The following RNF43 variants were observed in gnomAD, a reference collection of about 807,000 sequenced individuals.
RNF43 encodes the protein ring finger protein 43, also known as E3 ubiquitin-protein ligase RNF43.
In RNF43, 37 loss-of-function variants were observed where a neutral mutation model predicts 78.4. The ratio of observed to expected loss-of-function variants is 0.47; its 90% CI spans 0.36 to 0.62. The LOEUF is 0.62. Ranked by LOEUF, RNF43 falls within the 20% of genes least tolerant of loss-of-function variation. The pLI, the probability that RNF43 is intolerant of heterozygous loss-of-function variation, is 0.00. For synonymous variants in RNF43, 347 were observed against 395.0 expected (o/e 0.88, Z 1.44); for missense variants, 774 against 1,007.9 (o/e 0.77, Z 3.14).
At chr17:58,363,859 G>C (rs1567877196) in intron 3 of RNF43, among the ~76,000 whole-genome samples, 1 of 152,180 alleles carries the variant, frequency 6.6e-6, no homozygotes, top group Non-Finnish European at 1.5e-5. Context: ...CCTTAAGGGG[G>C]GTTTACAGGG....
chr17:58,400,148 A>G (rs1261949118), intron 2 of RNF43, among the ~76,000 whole-genome samples: 6 of 152,310 alleles, frequency 3.9e-5, no homozygotes, highest in African/African-American at 2.4e-5. Flanking sequence ...TCCAGGGCAG[A>G]TAAGTGATTC....
Position 58,358,440 on chromosome 17 carries a change from A to T in RNF43, c.1336T>A (p.Ser446Thr), listed in dbSNP as rs1167746614. The T allele has an allele frequency of 6.2e-7, 1 of 1,613,990 alleles. No individual in the cohort carries two copies. The highest frequency in any genetic ancestry group is 1.1e-5 in the South Asian group (1 of 91,072). Residue 446 changes from serine (S) to threonine (T), a missense_variant, in exon 9 of 10, where the codon TCT becomes ACT. Physicochemically the swap from Ser to Thr is moderately conservative, Grantham distance 58. Coordinates refer to ENST00000407977, the MANE Select transcript of RNF43 (RefSeq NM_017763.6). This position sits in a 1 kb window ranked among gnomAD's most constrained non-coding sequence, Gnocchi z 6.2. ...RRARPPDSSG[S>T]GESYCTERSG... ...CGTTCTGTGCAATAGCTTTCTCCAG[A>T]TCCACTGCTGTCAGGGGGCCTGGCC...
At chr17:58,416,302 TTG>T (rs1004107432) in intron 1 of RNF43, 4 of 152,242 alleles carry the variant, frequency 2.6e-5, no homozygotes, top group Non-Finnish European at 5.9e-5. Flanking sequence ...CCATAATTTT[TTG>T]TGTTTTACCA....
At chr17:58,407,001 A>C (rs1287505370) in intron 2 of RNF43, among the ~76,000 whole-genome samples, 1 of 151,798 alleles carries the variant, frequency 6.6e-6, no homozygotes, top group Non-Finnish European at 1.5e-5. Context: ...TCTAGATTTA[A>C]AGCAACAACA....
intron 2 of RNF43, among the ~76,000 whole-genome samples, chr17:58,377,167 C>T (rs1449633869): frequency 1.3e-5 from 2 of 152,052 alleles, no homozygotes; most frequent in South Asian, 2.1e-4. Flanking sequence ...TCATATTGCT[C>T]GTCTTTGGAA....
intron 2 of RNF43, among the ~76,000 whole-genome samples, chr17:58,378,237 T>A (rs1973245997): frequency 6.6e-6 from 1 of 151,906 alleles, no homozygotes; most frequent in South Asian, 2.1e-4. Flanking sequence ...TCGAGAGGAG[T>A]TTCTCTTTAT....
intron 2 of RNF43, among the ~76,000 whole-genome samples, chr17:58,380,522 A>G (rs1298638785): frequency 6.6e-6 from 1 of 152,210 alleles, no homozygotes; most frequent in Non-Finnish European, 1.5e-5. Context: ...CCAAGCTCAC[A>G]CCAGAGATGG....
rs571903323 is a variant in RNF43 at position 58,358,016 on chromosome 17, G to C, written c.1760C>G (p.Pro587Arg). The part of the protein sequence containing the change: ...QSRPPIPRTQ[P>R]QPEPPSPDQQ... ...ATCAGGAGAAGGTGGCTCTGGCTGG[G>C]GCTGTGTCCGAGGAATAGGAGGCCT... Residue 587 changes from proline (P) to arginine (R), a missense_variant, in exon 9 of 10, where the codon CCC (proline) becomes CGC (arginine). Coordinates refer to ENST00000407977, the MANE Select transcript of RNF43 (RefSeq NM_017763.6). The surrounding 1 kb of genome is among the most constrained non-coding windows in gnomAD (Gnocchi z 6.2). 6.3e-7 allele frequency: 1 copy of C among 1,595,866 alleles called. No homozygotes were observed. The highest frequency in any genetic ancestry group is 8.5e-7 in the Non-Finnish European group (1 of 1,171,654).
At position 58,357,553 on chromosome 17, in the gene RNF43, C is replaced by T. The variant is rs891451977; in HGVS notation, c.2223G>A (p.Gly741=). Residue 741 remains glycine, a synonymous_variant, in exon 9 of 10, where the codon GGG becomes GGA. Coordinates refer to ENST00000407977, the MANE Select transcript of RNF43 (RefSeq NM_017763.6). This position sits in a 1 kb window ranked among gnomAD's most constrained non-coding sequence, Gnocchi z 4.5. ...PRQPLEPHPP[G]EGPSEWSSDT... ...CAGAACTCCATTCAGAAGGCCCCTC[C>T]CCAGGTGGATGTGGTTCCAGGGGCT... is the stretch of plus-strand genomic sequence containing the variant. 6.2e-7 allele frequency: 1 copy of T among 1,614,104 alleles called. No individual in the cohort carries two copies. Among genetic ancestry groups the T allele is most frequent in the Admixed American group, 1.7e-5 (1 of 60,014 alleles).
At chr17:58,396,211 T>A (rs929736499) in intron 2 of RNF43, among the ~76,000 whole-genome samples, 30 of 152,120 alleles carry the variant, frequency 2.0e-4, no homozygotes, top group African/African-American at 7.0e-4. Flanking sequence ...TGATAACAAC[T>A]GTTGATAGAA....
At chr17:58,367,522 A>G (rs2632515) in intron 3 of RNF43, among the ~76,000 whole-genome samples, 21,048 of 152,204 alleles carry the variant, frequency 0.14, 1,745 homozygotes, top group Middle Eastern at 0.2. Context: ...ACTACCAGGT[A>G]GTGGCCTCCA....
rs755309849 is a variant in RNF43 at position 58,353,707 on chromosome 17, A to G, written c.*1236T>C. 4.7e-6 allele frequency: 1 copy of G among 210,586 alleles called. No homozygotes were observed. The highest frequency in any genetic ancestry group is 9.7e-6 in the Non-Finnish European group (1 of 103,398). The allele number at this position is 210,586 out of a possible 1,614,324, so 13.0% of individuals were successfully genotyped here. On this transcript the variant is annotated 3_prime_UTR_variant, in exon 10 of 10. Transcript: ENST00000407977. ...GATAAATATATTAGCAAATAAATAT[A>G]TTTCTTAACATAGTGCCTGATTCAA...
At chr17:58,397,044 TA>T (rs35034609) in intron 2 of RNF43, among the ~76,000 whole-genome samples, 59,237 of 127,806 alleles carry the variant, frequency 0.46, 11,744 homozygotes, top group East Asian at 0.55. Context: ...AGCTTAGAAA[TA>T]AAAAAAAAAA....
At position 58,358,826 on chromosome 17, in the gene RNF43, G is replaced by A. The variant is rs2143428940; in HGVS notation, c.953-3C>T. The A allele has an allele frequency of 6.7e-7, 1 of 1,486,698 alleles. No homozygotes were observed. The highest frequency in any genetic ancestry group is 8.9e-7 in the Non-Finnish European group (1 of 1,122,198). 92.1% of individuals were successfully genotyped at this position (1,486,698 alleles called of 1,614,324 possible). On this transcript the variant is annotated splice_region_variant and splice_polypyrimidine_tract_variant and intron_variant, in intron 8 of 9. Transcript: ENST00000407977. The surrounding 1 kb of genome is among the most constrained non-coding windows in gnomAD (Gnocchi z 6.2). ...GGACTGGGAAAATGAATCTCCCTCT[G>A]GAAAAAAGAACCAAGAGCACAGATG...
chr17:58,413,991 G>C (rs937115208), intron 2 of RNF43, among the ~76,000 whole-genome samples: 1 of 152,126 alleles, frequency 6.6e-6, no homozygotes, highest in Non-Finnish European at 1.5e-5. Flanking sequence ...AATTGCCATA[G>C]TATTCAAGAT....
chr17:58,397,663 C>CAAAA (rs573256327), intron 2 of RNF43, among the ~76,000 whole-genome samples: 1 of 78,102 alleles, frequency 1.3e-5, no homozygotes, highest in East Asian at 3.6e-4. Flanking sequence ...AACTCCGTCT[C>CAAAA]AAAAAAAAAA....
chr17:58,364,401 A>G (rs1045665933), intron 3 of RNF43, among the ~76,000 whole-genome samples: 1 of 152,222 alleles, frequency 6.6e-6, no homozygotes, highest in Non-Finnish European at 1.5e-5. Flanking sequence ...TTGAGGAAGC[A>G]GAATCTAGCC....
rs1334670390 is a variant in RNF43, at chr17:58,357,307, C to T, written c.2308+161G>A. 1 of 922,714 alleles carries T rather than the reference C, an allele frequency of 1.1e-6. No individual in the cohort carries two copies. The highest frequency in any genetic ancestry group is 1.4e-5 in the South Asian group (1 of 72,824). 57.2% of individuals were successfully genotyped at this position (922,714 alleles called of 1,614,324 possible). Reference sequence around the variant, plus strand: ...GAGGTGGGGTGTTCCTGCACTCTAGCCAGCATGATACGCTGTCCCGATGGT... The same window carrying T: ...GAGGTGGGGTGTTCCTGCACTCTAGTCAGCATGATACGCTGTCCCGATGGT... On this transcript the variant is annotated intron_variant, in intron 9 of 9. Coordinates refer to ENST00000407977, the MANE Select transcript of RNF43 (RefSeq NM_017763.6). The surrounding 1 kb of genome is among the most constrained non-coding windows in gnomAD (Gnocchi z 4.5).
chr17:58,353,513 A>C (rs1972610715), downstream of RNF43: 5 of 201,290 alleles, frequency 2.5e-5, no homozygotes, highest in Non-Finnish European at 5.1e-5. Flanking sequence ...GGGGCTTACA[A>C]ACCAGTTCTT....
Sources: gnomAD v4.1 joint callset for allele counts (sites outside exome capture counted in the v4.1 genomes callset) on GRCh38, gnomAD v4.1.1 for gene constraint, Gnocchi (gnomAD v3.1) non-coding constraint, MANE v1.5 for transcripts, NCBI Gene and HGNC (gene_info 2026-07-23, HGNC 2026-07-21) for gene names.